The following PHACTR2 variants were observed in gnomAD, a reference collection of about 807,000 sequenced individuals.
The protein encoded by PHACTR2 is chromosome 6 open reading frame 56.
Under a neutral mutation model 76.0 loss-of-function variants are expected in PHACTR2, and 30 were observed. That is an observed-to-expected ratio of 0.39 (90% CI 0.30 to 0.54). The LOEUF (loss-of-function observed/expected upper bound fraction) is 0.54. PHACTR2 is among the 20% of genes least tolerant of loss of function. PHACTR2 has a pLI of 0.61. For synonymous variants in PHACTR2, 292 were observed against 292.5 expected, an observed-to-expected ratio of 1.00 and a Z score of 0.02; for missense variants, 696 against 781.1, an observed-to-expected ratio of 0.89 and a Z score of 1.30.
rs1776528619 is a variant in PHACTR2 at position 143,826,271 on chromosome 6, C to T, written c.*2582C>T. ...AGCCAGAGGTCTCCTACCTGGGGGCCCTAAAGGGATGCAGAGGTCTGGCCC... is the reference window on the plus strand; with the variant it reads ...AGCCAGAGGTCTCCTACCTGGGGGCTCTAAAGGGATGCAGAGGTCTGGCCC... On this transcript the variant is annotated 3_prime_UTR_variant, in exon 13 of 13. Transcript: ENST00000440869. 1 of 152,162 alleles carries T rather than the reference C, an allele frequency of 6.6e-6. No homozygotes were observed. The highest frequency in any genetic ancestry group is 2.4e-5 in the African/African-American group (1 of 41,416). 9.4% of individuals were successfully genotyped at this position (152,162 alleles called of 1,614,324 possible).
chr6:143,566,767 C>A (rs889481816), intron 1 of PHACTR2, among the ~76,000 whole-genome samples: 1 of 151,340 alleles, frequency 6.6e-6, no homozygotes, highest in African/African-American at 2.4e-5. Flanking sequence ...TAAATGAATT[C>A]CAGACATCAT....
intron 1 of PHACTR2, among the ~76,000 whole-genome samples, chr6:143,563,588 C>CTTTT (rs1239510188): frequency 1.3e-5 from 2 of 149,910 alleles, no homozygotes; most frequent in Non-Finnish European, 3.0e-5. Context: ...ACCCTGTGTT[C>CTTTT]TTTCTCTTGA....
In PHACTR2 at chr6:143,789,130, C is replaced by A; in HGVS notation, c.1845+220C>A. Reference sequence around the variant, plus strand: ...AGAAAAGTAGTTATTTACCATATAACCTACCTGCTTTCATACCTGGATGAG... The same window carrying A: ...AGAAAAGTAGTTATTTACCATATAAACTACCTGCTTTCATACCTGGATGAG... On this transcript the variant is annotated intron_variant, in intron 11 of 12. Transcript: ENST00000440869. This position sits in a 1 kb window ranked among gnomAD's most constrained non-coding sequence, Gnocchi z 5.1. 2.5e-6 allele frequency: 1 copy of A among 393,792 alleles called. No homozygotes were observed. The highest frequency in any genetic ancestry group is 6.5e-5 in the South Asian group (1 of 15,490). The allele number at this position is 393,792 out of a possible 1,614,324, so 24.4% of individuals were successfully genotyped here.
At chr6:143,746,911 C>T (rs535232828) in intron 2 of PHACTR2, among the ~76,000 whole-genome samples, 1 of 151,264 alleles carries the variant, frequency 6.6e-6, no homozygotes, top group East Asian at 1.9e-4. Context: ...GCTGTTGTTA[C>T]TTGCTTCTGG....
rs530543942 is a variant in PHACTR2, at chr6:143,550,704, G to A, written c.217+13497G>A. ...CTAGAGGACTGTACAATTAAGAGGC[G>A]GGAATAGATTTAAAAAAACAAACAA... On this transcript the variant is annotated intron_variant, in intron 1 of 11. Coordinates refer to the PHACTR2 transcript ENST00000367584. The surrounding 1 kb of genome is among the most constrained non-coding windows in gnomAD (Gnocchi z 4.8). Among the ~76,000 whole-genome samples, 144 of 151,582 alleles carry A rather than the reference G, an allele frequency of 9.5e-4. 2 individuals are homozygous for A. The highest frequency in any genetic ancestry group is 3.2e-3 in the African/African-American group (132 of 41,108).
At chr6:143,682,586 A>G (rs987077498) in intron 1 of PHACTR2, among the ~76,000 whole-genome samples, 40 of 152,166 alleles carry the variant, frequency 2.6e-4, no homozygotes, top group African/African-American at 8.9e-4. Flanking sequence ...TGATCATACT[A>G]TATACAAGAT....
intron 2 of PHACTR2, among the ~76,000 whole-genome samples, chr6:143,716,271 G>A (rs940288662): frequency 6.6e-6 from 1 of 152,216 alleles, no homozygotes; most frequent in Non-Finnish European, 1.5e-5. Flanking sequence ...GCAGTCCTCA[G>A]TAACCAGGGT....
chr6:143,672,513 T>C lies in PHACTR2; in HGVS notation c.14-39503T>C, dbSNP rs1002302216. Among the ~76,000 whole-genome samples, 4 of 152,010 alleles carry C rather than the reference T, an allele frequency of 2.6e-5. No individual in the cohort carries two copies. Among genetic ancestry groups the C allele is most frequent in the Admixed American group, 2.6e-4 (4 of 15,266 alleles). ...GCAAGCAATAAACAAACAAATACAGTTAATTCTGACCACCTACTATTAGAA... is the reference window on the plus strand; with the variant it reads ...GCAAGCAATAAACAAACAAATACAGCTAATTCTGACCACCTACTATTAGAA... On this transcript the variant is annotated intron_variant, in intron 1 of 11. Coordinates refer to the PHACTR2 transcript ENST00000305766. This position sits in a 1 kb window ranked among gnomAD's most constrained non-coding sequence, Gnocchi z 5.8.
chr6:143,609,666 G>A lies in PHACTR2; in HGVS notation c.13+1344G>A, dbSNP rs75319390. On this transcript the variant is annotated intron_variant, in intron 1 of 11. Coordinates refer to the PHACTR2 transcript ENST00000305766. The stretch of plus-strand genomic sequence containing the variant: ...AGTAAAAATTAAATAAATAAACTTA[G>A]AATCTCTAATTTAGCCTCATTTAAA... Among the ~76,000 whole-genome samples the A allele has an allele frequency of 9.0e-3, 1,371 of 152,222 alleles. 20 individuals are homozygous for A. Among genetic ancestry groups the A allele is most frequent in the African/African-American group, 0.029 (1,195 of 41,530 alleles).
chr6:143,717,207 G>A (rs1309240261), intron 2 of PHACTR2, among the ~76,000 whole-genome samples: 1 of 152,054 alleles, frequency 6.6e-6, no homozygotes, highest in Non-Finnish European at 1.5e-5. Flanking sequence ...GTTCCTATGA[G>A]CACCTCCTTC....
chr6:143,598,374 C>A lies in PHACTR2; in HGVS notation c.217+61167C>A, dbSNP rs909114425. 6.6e-6 allele frequency among the ~76,000 whole-genome samples: 1 copy of A among 152,084 alleles called. No individual in the cohort carries two copies. Among genetic ancestry groups the A allele is most frequent in the African/African-American group, 2.4e-5 (1 of 41,408 alleles). ...ACTGAGCCTAGGAGGTGGAAGAGACCAAGCCAGAGCCTCCAGAGGAATGCA... is the reference window on the plus strand; with the variant it reads ...ACTGAGCCTAGGAGGTGGAAGAGACAAAGCCAGAGCCTCCAGAGGAATGCA... On this transcript the variant is annotated intron_variant, in intron 1 of 11. Transcript: ENST00000367584. This position sits in a 1 kb window ranked among gnomAD's most constrained non-coding sequence, Gnocchi z 4.1.
chr6:143,741,978 A>C (rs2051010), intron 2 of PHACTR2, among the ~76,000 whole-genome samples: 16 of 151,638 alleles, frequency 1.1e-4, no homozygotes, highest in African/African-American at 2.7e-4. Context: ...GGTGGCGGGC[A>C]CCTGTAATCC....
In PHACTR2 at chr6:143,816,247, G is replaced by A. The variant is rs539407175; in HGVS notation, c.1923-7427G>A. 5.3e-5 allele frequency among the ~76,000 whole-genome samples: 8 copies of A among 152,048 alleles called. No individual in the cohort carries two copies. The highest frequency in any genetic ancestry group is 2.1e-4 in the South Asian group (1 of 4,820). On this transcript the variant is annotated intron_variant, in intron 12 of 12. Coordinates refer to ENST00000440869, the MANE Select transcript of PHACTR2 (RefSeq NM_001100164.2). This position sits in a 1 kb window ranked among gnomAD's most constrained non-coding sequence, Gnocchi z 4.5. ...GTCACATAGACAAACTTCTCAAGACGTAAAGCTGAACTTCTCCTACCTTAA... is the reference window on the plus strand; with the variant it reads ...GTCACATAGACAAACTTCTCAAGACATAAAGCTGAACTTCTCCTACCTTAA...
Position 143,784,061 on chromosome 6 carries a change from G to GA in PHACTR2, c.1707+787dup, listed in dbSNP as rs1775496558. ...GAAAAAAAAAAAGAAAAAAAGAAGTGAAAAAAGTTTTTAATTATGATAAAA... is the reference window on the plus strand; with the variant it reads ...GAAAAAAAAAAAGAAAAAAAGAAGTGAAAAAAAGTTTTTAATTATGATAAAA... On this transcript the variant is annotated intron_variant, in intron 10 of 12. Transcript: ENST00000440869. This position sits in a 1 kb window ranked among gnomAD's most constrained non-coding sequence, Gnocchi z 4.5. Among the ~76,000 whole-genome samples the GA allele has an allele frequency of 6.6e-6, 1 of 151,152 alleles. No individual in the cohort carries two copies. The highest frequency in any genetic ancestry group is 6.6e-5 in the Admixed American group (1 of 15,180).
chr6:143,715,660 A>G (rs1778284752), intron 2 of PHACTR2, among the ~76,000 whole-genome samples: 1 of 152,202 alleles, frequency 6.6e-6, no homozygotes, highest in South Asian at 2.1e-4. Flanking sequence ...AAATGCTATG[A>G]TGGACACAGG....
chr6:143,746,654 C>T (rs770631306), intron 2 of PHACTR2, among the ~76,000 whole-genome samples: 2 of 152,154 alleles, frequency 1.3e-5, no homozygotes, highest in African/African-American at 2.4e-5. Context: ...CCGTAGGAGG[C>T]TGCAGTGGTC....
chr6:143,673,323 C>G (rs1777189236), upstream of PHACTR2, among the ~76,000 whole-genome samples: 1 of 120,554 alleles, frequency 8.3e-6, no homozygotes, highest in Admixed American at 8.0e-5. Flanking sequence ...TACATGTATT[C>G]CCAGATTTTT....
chr6:143,553,169 T>A lies in PHACTR2; in HGVS notation c.217+15962T>A, dbSNP rs985236746. Reference sequence around the variant, plus strand: ...TTACTGAGTCTCTATTATGTGCCAGTGAGAAAACAAAAATCCAGCTCATAG... The same window carrying A: ...TTACTGAGTCTCTATTATGTGCCAGAGAGAAAACAAAAATCCAGCTCATAG... On this transcript the variant is annotated intron_variant, in intron 1 of 11. Transcript: ENST00000367584. This position sits in a 1 kb window ranked among gnomAD's most constrained non-coding sequence, Gnocchi z 4.2. 2.6e-5 allele frequency among the ~76,000 whole-genome samples: 4 copies of A among 152,162 alleles called. No homozygotes were observed. Among genetic ancestry groups the A allele is most frequent in the Non-Finnish European group, 5.9e-5 (4 of 68,038 alleles).
At chr6:143,706,184 A>C (rs1447323102) in intron 1 of PHACTR2, among the ~76,000 whole-genome samples, 1 of 152,136 alleles carries the variant, frequency 6.6e-6, no homozygotes, top group African/African-American at 2.4e-5. Context: ...CTGGGACTAC[A>C]AGATGTTGCA....
Sources: allele counts gnomAD v4.1 joint callset (sites outside exome capture counted in the v4.1 genomes callset), GRCh38; gene constraint gnomAD v4.1.1; non-coding constraint Gnocchi (gnomAD v3.1); transcripts MANE v1.5; gene names NCBI Gene and HGNC (gene_info 2026-07-23, HGNC 2026-07-21).